Variants in TMEM131L observed in about 807,000 individuals in gnomAD.
The protein encoded by TMEM131L is transmembrane 131 like.
TMEM131L carries 54 observed loss-of-function variants against 192.2 expected under a neutral mutation model. That is an observed-to-expected ratio of 0.28 (90% confidence interval 0.23 to 0.35). The LOEUF (loss-of-function observed/expected upper bound fraction) is 0.35. Ranked by LOEUF, TMEM131L falls within the 10% of genes least tolerant of loss-of-function variation. The probability of loss-of-function intolerance (pLI) is 1.00; values close to 1 mark genes in which losing one functional copy is unlikely to be tolerated. For missense variants in TMEM131L, 1,888 were observed against 1,972.9 expected, an observed-to-expected ratio of 0.96 and a Z score of 0.82; for synonymous variants, 701 against 704.9, an observed-to-expected ratio of 0.99 and a Z score of 0.09.
chr4:153,561,384 GAAGTC>G (rs1728837442), intron 7 of TMEM131L, among the ~76,000 whole-genome samples: 2 of 152,148 alleles, frequency 1.3e-5, no homozygotes, highest in Admixed American at 6.5e-5. Context: ...AAATTTTGAT[GAAGTC>G]AAGTTTTTCT....
intron 3 of TMEM131L, among the ~76,000 whole-genome samples, chr4:153,486,711 C>T (rs1732359722): frequency 6.6e-6 from 1 of 152,220 alleles, no homozygotes; most frequent in Admixed American, 6.5e-5. Context: ...CAGAAGTACT[C>T]CCCAGCAGAC....
intron 3 of TMEM131L, among the ~76,000 whole-genome samples, chr4:153,547,831 A>G (rs1350802723): frequency 6.6e-6 from 1 of 152,200 alleles, no homozygotes; most frequent in Admixed American, 6.5e-5. Flanking sequence ...GCCTTTTAGT[A>G]GCTATGTGAC....
At chr4:153,514,696 T>G (rs116733115) in intron 3 of TMEM131L, among the ~76,000 whole-genome samples, 2,875 of 152,290 alleles carry the variant, frequency 0.019, 52 homozygotes, top group South Asian at 0.066. Context: ...TGTTAAAAAT[T>G]TTTTTGTAAA....
At chr4:153,562,101 G>T (rs148663346) in intron 7 of TMEM131L, among the ~76,000 whole-genome samples, 2 of 150,696 alleles carry the variant, frequency 1.3e-5, no homozygotes, top group Non-Finnish European at 2.9e-5. Flanking sequence ...GCAGTGGTGC[G>T]ATCTCAGCTC....
At chr4:153,553,977 T>G (rs933726553) in intron 4 of TMEM131L, among the ~76,000 whole-genome samples, 2 of 152,188 alleles carry the variant, frequency 1.3e-5, no homozygotes, top group African/African-American at 4.8e-5. Flanking sequence ...TCTGGAGAGA[T>G]TTCTGGTGGT....
intron 29 of TMEM131L, among the ~76,000 whole-genome samples, chr4:153,624,646 A>T (rs17030255): frequency 0.012 from 1,787 of 152,290 alleles, 45 homozygotes; most frequent in African/African-American, 0.041. Flanking sequence ...CTGTCATCTG[A>T]AGACTCAGCC....
chr4:153,504,225 C>G (rs1480934901), intron 3 of TMEM131L, among the ~76,000 whole-genome samples: 1 of 149,164 alleles, frequency 6.7e-6, no homozygotes, highest in Admixed American at 6.8e-5. Context: ...CCTCGGCCTC[C>G]CAAAGTGCTG....
At chr4:153,588,251 A>G (rs1005703288) in intron 15 of TMEM131L, among the ~76,000 whole-genome samples, 3 of 150,634 alleles carry the variant, frequency 2.0e-5, no homozygotes, top group South Asian at 2.1e-4. Context: ...GTGTTGATGT[A>G]CAAGCTGTTT....
intron 11 of TMEM131L, among the ~76,000 whole-genome samples, chr4:153,583,993 A>G (rs74851596): frequency 0.023 from 3,525 of 152,324 alleles, 100 homozygotes; most frequent in Middle Eastern, 0.085. Flanking sequence ...GCAAATCTCT[A>G]TGAAAATTTA....
At chr4:153,524,959 G>C (rs1210442382) in intron 3 of TMEM131L, among the ~76,000 whole-genome samples, 1 of 152,198 alleles carries the variant, frequency 6.6e-6, no homozygotes, top group Non-Finnish European at 1.5e-5. Flanking sequence ...GTGGGTTCTA[G>C]GAATGTTCCA....
chr4:153,583,693 T>C, intron 11 of TMEM131L, 21 bp downstream of exon 11: 1 of 1,367,532 alleles, frequency 7.3e-7, no homozygotes, highest in Non-Finnish European at 1.0e-6. Flanking sequence ...TTAAACAGAT[T>C]GTCATTTGAC....
At chr4:153,551,795 G>A (rs1004886086) in intron 4 of TMEM131L, among the ~76,000 whole-genome samples, 36 of 152,270 alleles carry the variant, frequency 2.4e-4, no homozygotes, top group African/African-American at 8.7e-4. Flanking sequence ...TTACTCTTAT[G>A]TAAAGAAAGT....
At position 153,632,714 on chromosome 4, in the gene TMEM131L, G is replaced by A. The variant is rs759030624; in HGVS notation, c.4208-4G>A. The A allele has an allele frequency of 7.8e-5, 126 of 1,613,938 alleles. No individual in the cohort carries two copies. Among genetic ancestry groups the A allele is most frequent in the Admixed American group, 6.0e-4 (36 of 59,996 alleles). On this transcript the variant is annotated splice_region_variant and splice_polypyrimidine_tract_variant and intron_variant, in intron 31 of 34. Transcript: ENST00000409959. ...GTGGACTCAGGCCTTGTTCTCTTCC[G>A]TAGGTCTTTACTCACCTGGAGACCT...
In TMEM131L at chr4:153,587,810, A is replaced by T. The variant is rs138701388; in HGVS notation, c.1551A>T (p.Ala517=). Residue 517 remains alanine, a splice_region_variant and synonymous_variant, in exon 15 of 35, where the codon GCA becomes GCT. Transcript: ENST00000409959. ...ATTATTTCATGGGAAAATCAAAAGC[A>T]GGTAAGTATTTTGCCCTTAGGCTTT... ...GMHYFMGKSK[A]GNPNWNGSLS... The T allele has an allele frequency of 1.1e-4, 175 of 1,611,498 alleles. No individual in the cohort carries two copies. In the African/African-American group the frequency reaches 2.2e-3, roughly 20 times the overall value.
Position 153,636,495 on chromosome 4 carries a change from C to G in TMEM131L, c.4752C>G (p.Asn1584Lys). The G allele has an allele frequency of 6.2e-7, 1 of 1,614,186 alleles. No individual in the cohort carries two copies. Among genetic ancestry groups the G allele is most frequent in the Non-Finnish European group, 8.5e-7 (1 of 1,180,034 alleles). ...TCAACCCGTTTCGCGCCTATATGAA[C>G]CTGGACATATGGACTACCACAGCGA... ...PGFNPFRAYM[N>K]LDIWTTTANR... Residue 1584 changes from asparagine (N) to lysine (K), a missense_variant, in exon 35 of 35, where the codon AAC becomes AAG. Coordinates refer to ENST00000409959, the MANE Select transcript of TMEM131L (RefSeq NM_001131007.2).
chr4:153,537,223 T>TTGTAC (rs1736401913), intron 3 of TMEM131L, among the ~76,000 whole-genome samples: 1 of 152,214 alleles, frequency 6.6e-6, no homozygotes, highest in Non-Finnish European at 1.5e-5. Context: ...AGATGATCTC[T>TTGTAC]TGTACTCATC....
At chr4:153,499,221 C>T (rs1459299431) in intron 3 of TMEM131L, among the ~76,000 whole-genome samples, 5 of 152,182 alleles carry the variant, frequency 3.3e-5, no homozygotes, top group South Asian at 2.1e-4. Flanking sequence ...TCTGGGCAGT[C>T]GCCTCCCTGC....
chr4:153,516,984 G>A (rs1303437962), intron 3 of TMEM131L, among the ~76,000 whole-genome samples: 2 of 152,040 alleles, frequency 1.3e-5, no homozygotes, highest in East Asian at 3.9e-4. Flanking sequence ...GCGCCACCAT[G>A]CCTGGCTAAT....
intron 4 of TMEM131L, among the ~76,000 whole-genome samples, chr4:153,553,588 C>G (rs1737794270): frequency 6.6e-6 from 1 of 150,474 alleles, no homozygotes; most frequent in South Asian, 2.1e-4. Flanking sequence ...CCTGAGGGTT[C>G]TCCTCCTGAT....
Sources: gnomAD v4.1 joint callset for allele counts (sites outside exome capture counted in the v4.1 genomes callset) on GRCh38, gnomAD v4.1.1 for gene constraint, MANE v1.5 for transcripts, NCBI Gene and HGNC (gene_info 2026-07-23, HGNC 2026-07-21) for gene names.